The following FAM107B variants were observed in gnomAD, a reference collection of about 807,000 sequenced individuals.
FAM107B encodes protein FAM107B.
In FAM107B, 21 loss-of-function variants were observed where a neutral mutation model predicts 31.5. That is an observed-to-expected ratio of 0.67 (90% CI 0.47 to 0.96). FAM107B has a LOEUF of 0.96. Ranked by LOEUF, FAM107B falls within the 40% of genes least tolerant of loss-of-function variation. FAM107B has a pLI of 0.00. For missense variants in FAM107B, 452 were observed against 377.1 expected (o/e 1.20, Z -1.64); for synonymous variants, 157 against 141.5 (o/e 1.11, Z -0.78).
intron 1 of FAM107B, among the ~76,000 whole-genome samples, chr10:14,713,064 C>T (rs899556219): frequency 6.6e-6 from 1 of 152,106 alleles, no homozygotes; most frequent in African/African-American, 2.4e-5. Flanking sequence ...CTCGCTGATA[C>T]GATTTGCTGT....
intron 2 of FAM107B, chr10:14,556,095 C>T (rs1849676968): frequency 6.6e-6 from 1 of 152,596 alleles, no homozygotes. Context: ...TAAAGCTGCA[C>T]TGCTGCCTGG....
chr10:14,660,211 A>C (rs550699208), intron 2 of FAM107B, among the ~76,000 whole-genome samples: 1 of 152,206 alleles, frequency 6.6e-6, no homozygotes, highest in South Asian at 2.1e-4. Flanking sequence ...GTGCAACCTA[A>C]AAGAGAATGA....
intron 1 of FAM107B, among the ~76,000 whole-genome samples, chr10:14,772,362 A>AAAAAAATATATATAT (rs10651238): frequency 1.4e-5 from 2 of 145,590 alleles, no homozygotes; most frequent in African/African-American, 5.2e-5. Context: ...TTAAAAAAAA[A>AAAAAAATATATATAT]ATATATATAT....
intron 1 of FAM107B, among the ~76,000 whole-genome samples, chr10:14,693,197 C>T (rs866745214): frequency 3.3e-5 from 5 of 152,030 alleles, no homozygotes; most frequent in East Asian, 1.9e-4. Context: ...GGTATATGGC[C>T]GGGCGCGGTG....
chr10:14,698,116 C>T (rs1436931638), intron 1 of FAM107B, among the ~76,000 whole-genome samples: 1 of 151,300 alleles, frequency 6.6e-6, no homozygotes, highest in Non-Finnish European at 1.5e-5. Context: ...CAGAGCAAGA[C>T]TCCATCTCAA....
chr10:14,611,208 G>A (rs781631287), intron 2 of FAM107B, among the ~76,000 whole-genome samples: 13 of 152,014 alleles, frequency 8.6e-5, no homozygotes, highest in Non-Finnish European at 1.5e-4. Context: ...ATCCTTAAGC[G>A]CTCATCCTGT....
chr10:14,721,147 A>T (rs1436742811), intron 1 of FAM107B, among the ~76,000 whole-genome samples: 3 of 152,186 alleles, frequency 2.0e-5, no homozygotes, highest in African/African-American at 7.2e-5. Context: ...TTCCAGCTTC[A>T]TCCATGTCCC....
chr10:14,685,210 GTGAT>G (rs1854954263), intron 1 of FAM107B, among the ~76,000 whole-genome samples: 1 of 148,762 alleles, frequency 6.7e-6, no homozygotes, highest in Non-Finnish European at 1.5e-5. Flanking sequence ...GTGCAGAGGT[GTGAT>G]CAGAGCTCAC....
At chr10:14,751,350 C>A (rs932064122) in intron 1 of FAM107B, among the ~76,000 whole-genome samples, 1 of 152,186 alleles carries the variant, frequency 6.6e-6, no homozygotes, top group Admixed American at 6.5e-5. Context: ...TGTGCTTGGA[C>A]CATACAGCAT....
intron 1 of FAM107B, among the ~76,000 whole-genome samples, chr10:14,773,866 G>T (rs1000539361): frequency 2.0e-5 from 3 of 152,112 alleles, no homozygotes; most frequent in African/African-American, 7.2e-5. Context: ...TTTTTAGATT[G>T]TGGATTTTCA....
chr10:14,672,639 G>C (rs1387526717), intron 1 of FAM107B, among the ~76,000 whole-genome samples: 1 of 152,148 alleles, frequency 6.6e-6, no homozygotes, highest in Non-Finnish European at 1.5e-5. Flanking sequence ...TATGGCTCAT[G>C]ACTGTATTTT....
intron 2 of FAM107B, among the ~76,000 whole-genome samples, chr10:14,582,793 A>G (rs1851686121): frequency 6.6e-6 from 1 of 152,146 alleles, no homozygotes; most frequent in African/African-American, 2.4e-5. Context: ...ATTGATAAGA[A>G]AGACGAAACT....
At chr10:14,709,463 G>A (rs1310152883) in intron 1 of FAM107B, among the ~76,000 whole-genome samples, 1 of 152,010 alleles carries the variant, frequency 6.6e-6, no homozygotes, top group Non-Finnish European at 1.5e-5. Context: ...AGCTTATGTA[G>A]GGAAACTCCA....
chr10:14,623,958 G>A (rs75965103), intron 2 of FAM107B, among the ~76,000 whole-genome samples: 17,763 of 152,190 alleles, frequency 0.12, 1,321 homozygotes, highest in Admixed American at 0.26. Context: ...CTGAACACTG[G>A]TGAAGACACC....
At chr10:14,678,234 G>A (rs1003012212) in intron 1 of FAM107B, among the ~76,000 whole-genome samples, 5 of 152,058 alleles carry the variant, frequency 3.3e-5, no homozygotes, top group Non-Finnish European at 7.4e-5. Context: ...TTGTTGTTAG[G>A]GTAAAATAAG....
chr10:14,670,369 T>C (rs1303538460), intron 1 of FAM107B, among the ~76,000 whole-genome samples: 2 of 152,232 alleles, frequency 1.3e-5, no homozygotes, highest in African/African-American at 4.8e-5. Flanking sequence ...AAATTACATA[T>C]TTGAAGTGGG....
At chr10:14,629,490 T>A (rs1384885775) in intron 2 of FAM107B, among the ~76,000 whole-genome samples, 1 of 116,436 alleles carries the variant, frequency 8.6e-6, no homozygotes, top group Non-Finnish European at 1.6e-5. Flanking sequence ...ATAACATATA[T>A]AATATATATA....
At chr10:14,558,275 GCACGCACACACACACATA>G (rs1427316585) in intron 2 of FAM107B, among the ~76,000 whole-genome samples, 2 of 151,902 alleles carry the variant, frequency 1.3e-5, no homozygotes, top group Non-Finnish European at 2.9e-5. Flanking sequence ...ACACATACGT[GCACGCACACACACACATA>G]CACGCACACA....
intron 1 of FAM107B, among the ~76,000 whole-genome samples, chr10:14,671,682 C>A (rs1196424739): frequency 6.6e-6 from 1 of 152,096 alleles, no homozygotes; most frequent in Admixed American, 6.5e-5. Flanking sequence ...GGGGTTGCAG[C>A]TGCTACTGTA....
Sources: allele counts gnomAD v4.1 joint callset (sites outside exome capture counted in the v4.1 genomes callset), GRCh38; gene constraint gnomAD v4.1.1; transcripts MANE v1.5; gene names NCBI Gene and HGNC (gene_info 2026-07-23, HGNC 2026-07-21).